The following LRRC9 variants were observed in gnomAD, a reference collection of about 807,000 sequenced individuals.
LRRC9 encodes leucine rich repeat containing 9.
A neutral mutation model predicts 63.2 loss-of-function variants in LRRC9; 122 were observed. The ratio of observed to expected loss-of-function variants is 1.93; its 90% CI spans 1.67 to 2.24. The LOEUF is 2.24. Ranked by LOEUF, LRRC9 falls within the 30% of genes most tolerant of loss-of-function variation. LRRC9 has a pLI of 0.00. For missense variants in LRRC9, 1,071 were observed against 627.7 expected, an observed-to-expected ratio of 1.71 and a Z score of -7.55; for synonymous variants, 366 against 213.1, an observed-to-expected ratio of 1.72 and a Z score of -6.25.
At chr14:60,046,706 T>C (rs890498377) in intron 29 of LRRC9, among the ~76,000 whole-genome samples, 1 of 152,256 alleles carries the variant, frequency 6.6e-6, no homozygotes, top group Non-Finnish European at 1.5e-5. Flanking sequence ...TCAAGTAGCA[T>C]GATGCCTTCA....
At chr14:60,050,218 A>G (rs1049579205) in intron 29 of LRRC9, among the ~76,000 whole-genome samples, 1 of 151,636 alleles carries the variant, frequency 6.6e-6, no homozygotes, top group African/African-American at 2.4e-5. Flanking sequence ...CTGGTCTCAA[A>G]CTCCTGACCT....
intron 25 of LRRC9, among the ~76,000 whole-genome samples, chr14:60,018,811 G>A (rs1890898160): frequency 6.6e-6 from 1 of 151,744 alleles, no homozygotes; most frequent in South Asian, 2.1e-4. Flanking sequence ...CATCTACTAA[G>A]GCCTTTTAAA....
chr14:59,977,915 C>G (rs1352689418), intron 14 of LRRC9, 102 bp from the exon 15 acceptor site: 1 of 527,310 alleles, frequency 1.9e-6, no homozygotes, highest in Admixed American at 3.3e-5. Context: ...ATAACTGTTG[C>G]AACTTATTGA....
chr14:59,976,972 C>A (rs189687942), intron 13 of LRRC9, among the ~76,000 whole-genome samples: 3 of 152,266 alleles, frequency 2.0e-5, no homozygotes, highest in East Asian at 1.9e-4. Context: ...CCTTCTCCCT[C>A]TTCTGTAAAG....
chr14:59,982,300 A>G lies in LRRC9; in HGVS notation c.2091+240A>G, dbSNP rs112832557. The stretch of plus-strand genomic sequence containing the variant: ...AGCTATGTTTTTAAAAGCTTTTTTA[A>G]AAAGTAAAATTAATTTTAATAATAC... On this transcript the variant is annotated intron_variant, in intron 16 of 31. Transcript: ENST00000445360. Among the ~76,000 whole-genome samples the G allele has an allele frequency of 3.0e-3, 460 of 152,332 alleles. 3 individuals are homozygous for G. Among genetic ancestry groups the G allele is most frequent in the African/African-American group, 0.011 (438 of 41,580 alleles).
At chr14:59,977,131 A>G (rs376030985) in intron 13 of LRRC9, 94 bp from the exon 14 acceptor site, 3 of 597,564 alleles carry the variant, frequency 5.0e-6, no homozygotes, top group South Asian at 2.2e-5. Context: ...TTTACAGAAC[A>G]TACAGTTTAG....
At chr14:59,985,470 A>G (rs1395588441) in intron 17 of LRRC9, among the ~76,000 whole-genome samples, 1 of 152,222 alleles carries the variant, frequency 6.6e-6, no homozygotes, top group Non-Finnish European at 1.5e-5. Context: ...CCTTGAACAT[A>G]TTCAAATTTA....
chr14:60,015,640 T>C (rs1288892075), intron 23 of LRRC9, among the ~76,000 whole-genome samples: 1 of 152,178 alleles, frequency 6.6e-6, no homozygotes, highest in East Asian at 1.9e-4. Context: ...AACCCTTCAC[T>C]GATTCATCCT....
In LRRC9 at chr14:59,927,862, A is replaced by T; in HGVS notation, c.-33-49A>T. The T allele has an allele frequency of 1.7e-6, 1 of 590,794 alleles. No homozygotes were observed. The allele number at this position is 590,794 out of a possible 1,614,324, so 36.6% of individuals were successfully genotyped here. A position where few individuals can be genotyped will look rare whatever the true frequency, so the allele number is the denominator to read the frequency against. ...AGCTTTAAGGTCTATTTCAACTTGG[A>T]ATGACAATGACTTTAATATTTATTT... On this transcript the variant is annotated intron_variant, in intron 1 of 31. Transcript: ENST00000445360. This position sits in a 1 kb window ranked among gnomAD's most constrained non-coding sequence, Gnocchi z 4.4.
In LRRC9 at chr14:60,021,901, T is replaced by A. The variant is rs1224210444; in HGVS notation, c.3567-833T>A. On this transcript the variant is annotated intron_variant, in intron 26 of 31. Coordinates refer to ENST00000445360, the Ensembl canonical transcript of LRRC9. ...TTGATTACTGTGGTTTTATAAAAAATTTTAAAATCAGTGATTTAAGCTCTC... is the reference window on the plus strand; with the variant it reads ...TTGATTACTGTGGTTTTATAAAAAAATTTAAAATCAGTGATTTAAGCTCTC... 6.6e-5 allele frequency among the ~76,000 whole-genome samples: 10 copies of A among 152,042 alleles called. No individual in the cohort carries two copies. In the South Asian group the frequency reaches 2.1e-3, roughly 31 times the overall value.
chr14:60,019,484 T>C (rs1023058175), intron 26 of LRRC9, among the ~76,000 whole-genome samples: 1 of 151,880 alleles, frequency 6.6e-6, no homozygotes, highest in African/African-American at 2.4e-5. Flanking sequence ...TTCAAACCTA[T>C]ATTGTGAATA....
intron 10 of LRRC9, 145 bp downstream of exon 10, chr14:59,961,190 G>A: frequency 2.0e-6 from 1 of 488,336 alleles, no homozygotes; most frequent in East Asian, 3.2e-5. Flanking sequence ...AAAATTGGCA[G>A]GCATCTATTG....
chr14:59,965,400 G>A (rs923602859), intron 10 of LRRC9, among the ~76,000 whole-genome samples: 1 of 152,052 alleles, frequency 6.6e-6, no homozygotes, highest in Non-Finnish European at 1.5e-5. Context: ...TTTTATTTCT[G>A]GCTTTACTTG....
chr14:59,943,004 G>GT lies in LRRC9; in HGVS notation c.727-1578dup, dbSNP rs1881951171. Reference sequence around the variant, plus strand: ...TTCATTTGTGTGTGCGTATGTGTTGGTTTTTTTGTATTTTGTTTTTTTGCT... The same window carrying GT: ...TTCATTTGTGTGTGCGTATGTGTTGGTTTTTTTTGTATTTTGTTTTTTTGCT... On this transcript the variant is annotated intron_variant, in intron 7 of 31. Transcript: ENST00000445360. 2.3e-5 allele frequency among the ~76,000 whole-genome samples: 3 copies of GT among 129,924 alleles called. 1 individual carries two copies. The highest frequency in any genetic ancestry group is 7.9e-3 in the Middle Eastern group (2 of 254). 85.2% of individuals were successfully genotyped at this position (129,924 alleles called of 152,430 possible).
At chr14:60,055,742 A>C (rs947511188) in intron 30 of LRRC9, among the ~76,000 whole-genome samples, 13 of 149,570 alleles carry the variant, frequency 8.7e-5, no homozygotes, top group East Asian at 2.0e-4. Flanking sequence ...AAAAAAAAAA[A>C]AAAACAAAAA....
intron 15 of LRRC9, among the ~76,000 whole-genome samples, chr14:59,981,106 C>T (rs754468016): frequency 7.2e-5 from 11 of 151,960 alleles, no homozygotes; most frequent in Admixed American, 2.0e-4. Flanking sequence ...CTATTTTATA[C>T]TCTATTTTTA....
intron 6 of LRRC9, among the ~76,000 whole-genome samples, chr14:59,937,459 C>T (rs975380154): frequency 2.6e-5 from 4 of 152,000 alleles, no homozygotes; most frequent in Admixed American, 6.6e-5. Flanking sequence ...TCTATCCCAA[C>T]GCTGGGGGAT....
downstream of LRRC9, among the ~76,000 whole-genome samples, chr14:60,066,675 T>TAAA: frequency 6.6e-6 from 1 of 152,234 alleles, no homozygotes; most frequent in Non-Finnish European, 1.5e-5. Context: ...AGTTGCCTTT[T>TAAA]AGAACTAGGT....
chr14:59,982,950 T>G (rs1322130238), intron 16 of LRRC9, among the ~76,000 whole-genome samples: 1 of 152,212 alleles, frequency 6.6e-6, no homozygotes, highest in Non-Finnish European at 1.5e-5. Context: ...ATATGGGATC[T>G]TTACAAAATT....
Sources: gnomAD v4.1 joint callset for allele counts (sites outside exome capture counted in the v4.1 genomes callset) on GRCh38, gnomAD v4.1.1 for gene constraint, Gnocchi (gnomAD v3.1) non-coding constraint, MANE v1.5 for transcripts, NCBI Gene and HGNC (gene_info 2026-07-23, HGNC 2026-07-21) for gene names.